DPYSL2: variants seen among roughly 807,000 people sequenced by gnomAD.
The protein encoded by DPYSL2 is dihydropyrimidinase-related protein 2.
DPYSL2 carries 13 observed loss-of-function variants against 69.9 expected under a neutral mutation model. That is an observed-to-expected ratio of 0.19 (90% CI 0.12 to 0.30). DPYSL2 has a LOEUF of 0.30. DPYSL2 is among the 10% of genes least tolerant of loss of function. The pLI, the probability that DPYSL2 is intolerant of heterozygous loss-of-function variation, is 1.00. For missense variants in DPYSL2, 587 were observed against 918.9 expected (o/e 0.64, Z 4.67); for synonymous variants, 326 against 359.1 (o/e 0.91, Z 1.04).
At chr8:26,529,280 T>TATC (rs1188557993) in intron 1 of DPYSL2, among the ~76,000 whole-genome samples, 665 of 66,560 alleles carry the variant, frequency 1.0e-2, no homozygotes, top group Middle Eastern at 0.026. Context: ...ATCTATCATC[T>TATC]ATCTATCTAT....
intron 3 of DPYSL2, among the ~76,000 whole-genome samples, chr8:26,603,199 G>A (rs1404709539): frequency 1.3e-5 from 2 of 151,878 alleles, no homozygotes; most frequent in African/African-American, 4.8e-5. Flanking sequence ...TTGAGACAGG[G>A]TCTCGCTCTA....
At chr8:26,578,553 C>T in intron 1 of DPYSL2, 1 of 1,385,024 alleles carries the variant, frequency 7.2e-7, no homozygotes, top group Non-Finnish European at 9.3e-7. Flanking sequence ...CAGACCCGGT[C>T]TATCTTTTAT....
intron 3 of DPYSL2, among the ~76,000 whole-genome samples, chr8:26,589,953 G>C (rs1239829148): frequency 2.0e-5 from 3 of 152,338 alleles, no homozygotes; most frequent in African/African-American, 7.2e-5. Flanking sequence ...CTGGGAGGAA[G>C]GTGAGGTGGC....
intron 8 of DPYSL2, 77 bp downstream of exon 8, chr8:26,634,977 T>C: frequency 6.3e-7 from 1 of 1,580,856 alleles, no homozygotes; most frequent in South Asian, 1.1e-5. Context: ...TAGGGAGGGC[T>C]CCTTTTCCAG....
At chr8:26,558,490 T>C (rs1392193002) in intron 1 of DPYSL2, among the ~76,000 whole-genome samples, 1 of 152,188 alleles carries the variant, frequency 6.6e-6, no homozygotes, top group East Asian at 1.9e-4. Context: ...AGTGAAACTC[T>C]TCTACAAGAT....
chr8:26,552,814 C>T (rs1800891493), intron 1 of DPYSL2, among the ~76,000 whole-genome samples: 1 of 152,168 alleles, frequency 6.6e-6, no homozygotes, highest in African/African-American at 2.4e-5. Context: ...ACCCAGTCAC[C>T]TTCCAAAGAT....
At chr8:26,574,199 G>C (rs1363993311) in intron 1 of DPYSL2, among the ~76,000 whole-genome samples, 2 of 152,192 alleles carry the variant, frequency 1.3e-5, no homozygotes, top group Non-Finnish European at 2.9e-5. Flanking sequence ...AGTTGTTTCA[G>C]AGGGAAGGAG....
At position 26,626,617 on chromosome 8, in the gene DPYSL2, G is replaced by A. The variant is rs1802620001; in HGVS notation, c.794G>A (p.Gly265Glu). ...CACTTCTCTATTTTGTCCGCACTAG[G>A]GGTAAATTCCTTCCTCGTGTACATG... The part of the protein sequence containing the change: ...EEMEALVKDH[G>E]VNSFLVYMAF... Residue 265 changes from glycine to glutamate, a missense_variant and splice_region_variant, in exon 5 of 14, where the codon GGG (glycine) becomes GAG (glutamate). Around this residue, in one of 3 missense-constraint regions of DPYSL2, gnomAD observed 452 missense variants for 754.3 expected, o/e 0.60. Coordinates refer to ENST00000521913, the MANE Select transcript of DPYSL2 (RefSeq NM_001197293.3). This position sits in a 1 kb window ranked among gnomAD's most constrained non-coding sequence, Gnocchi z 4.3. 1 of 1,613,900 alleles carries A rather than the reference G, an allele frequency of 6.2e-7. No individual in the cohort carries two copies. Among genetic ancestry groups the A allele is most frequent in the African/African-American group, 1.3e-5 (1 of 74,878 alleles).
At chr8:26,524,114 A>G (rs1034734835) in intron 1 of DPYSL2, among the ~76,000 whole-genome samples, 1 of 152,260 alleles carries the variant, frequency 6.6e-6, no homozygotes, top group Non-Finnish European at 1.5e-5. Flanking sequence ...CACAGTGGTT[A>G]TACCATTTGA....
At chr8:26,515,036 C>T (rs1808254477) in intron 1 of DPYSL2, among the ~76,000 whole-genome samples, 1 of 152,240 alleles carries the variant, frequency 6.6e-6, no homozygotes, top group Admixed American at 6.5e-5. Context: ...ATTGCAGCTG[C>T]GGCTGGGTGC....
Position 26,601,298 on chromosome 8 carries a change from G to C in DPYSL2, c.628+17315G>C, listed in dbSNP as rs928583102. Among the ~76,000 whole-genome samples the C allele has an allele frequency of 2.0e-5, 3 of 152,150 alleles. No individual in the cohort carries two copies. The East Asian group carries it at 5.8e-4, about 29-fold the overall frequency. On this transcript the variant is annotated intron_variant, in intron 3 of 13. Transcript: ENST00000521913. Reference sequence around the variant, plus strand: ...TAGTATGAGGCTGAATGAGGACTCAGATGATGGTCATCTGGCTCCGGGGCC... The same window carrying C: ...TAGTATGAGGCTGAATGAGGACTCACATGATGGTCATCTGGCTCCGGGGCC...
At chr8:26,515,999 G>A (rs1297665545) in intron 1 of DPYSL2, among the ~76,000 whole-genome samples, 4 of 152,200 alleles carry the variant, frequency 2.6e-5, no homozygotes, top group African/African-American at 9.6e-5. Context: ...GGTGATGATG[G>A]TTGGGGCATG....
At chr8:26,618,203 C>T (rs945678887) in intron 3 of DPYSL2, among the ~76,000 whole-genome samples, 3 of 152,142 alleles carry the variant, frequency 2.0e-5, no homozygotes, top group Non-Finnish European at 2.9e-5. Context: ...TTTCCAGTCA[C>T]TCATCTTGAG....
intron 1 of DPYSL2, among the ~76,000 whole-genome samples, chr8:26,527,825 TG>T (rs1808506562): frequency 1.5e-5 from 2 of 129,268 alleles, no homozygotes. Context: ...TTTTTTTAGA[TG>T]GAGTCTTGCT....
At position 26,640,371 on chromosome 8, in the gene DPYSL2, G is replaced by A. The variant is rs1422686099; in HGVS notation, c.1127-3068G>A. On this transcript the variant is annotated intron_variant, in intron 8 of 13. Transcript: ENST00000521913. This position sits in a 1 kb window ranked among gnomAD's most constrained non-coding sequence, Gnocchi z 4.2. The stretch of plus-strand genomic sequence containing the variant: ...GAGAAGAAAATCACAAAGGTCTAAC[G>A]GGCACCCAGATAGCATCAGCAGTGT... Among the ~76,000 whole-genome samples the A allele has an allele frequency of 2.6e-5, 4 of 152,164 alleles. No individual in the cohort carries two copies. The highest frequency in any genetic ancestry group is 4.1e-4 in the South Asian group (2 of 4,830).
rs938329334 is a variant in DPYSL2, at chr8:26,624,448, G to A, written c.793+141G>A. 6 of 1,059,338 alleles carry A rather than the reference G, an allele frequency of 5.7e-6. No homozygotes were observed. The African/African-American group carries it at 6.3e-5, about 11-fold the overall frequency. 65.6% of individuals were successfully genotyped at this position (1,059,338 alleles called of 1,614,324 possible). ...TGCCTGCCCCTGGGAAGGAGAGAGGGCTTTGGGCCGCAGCTTATGCTGTTT... is the reference window on the plus strand; with the variant it reads ...TGCCTGCCCCTGGGAAGGAGAGAGGACTTTGGGCCGCAGCTTATGCTGTTT... On this transcript the variant is annotated intron_variant, in intron 4 of 13. Transcript: ENST00000521913. The surrounding 1 kb of genome is among the most constrained non-coding windows in gnomAD (Gnocchi z 4.7).
rs1439681929 is a variant in DPYSL2 at position 26,516,270 on chromosome 8, T to C, written c.354+1591T>C. On this transcript the variant is annotated intron_variant, in intron 1 of 13. Transcript: ENST00000521913. The surrounding 1 kb of genome is among the most constrained non-coding windows in gnomAD (Gnocchi z 4.8). The stretch of plus-strand genomic sequence containing the variant: ...ATCAGACAATTGAAGTAAAAGTTTC[T>C]AATAATGTAACTTATACTGAAAGCT... 2.6e-5 allele frequency among the ~76,000 whole-genome samples: 4 copies of C among 152,214 alleles called. No homozygotes were observed. The highest frequency in any genetic ancestry group is 4.8e-5 in the African/African-American group (2 of 41,448).
At chr8:26,553,602 C>A (rs1800901584) in intron 1 of DPYSL2, among the ~76,000 whole-genome samples, 1 of 152,126 alleles carries the variant, frequency 6.6e-6, no homozygotes, top group Non-Finnish European at 1.5e-5. Flanking sequence ...TATATATACA[C>A]CACATTGTCT....
At chr8:26,628,485 G>C (rs936083938) in intron 7 of DPYSL2, among the ~76,000 whole-genome samples, 1 of 152,224 alleles carries the variant, frequency 6.6e-6, no homozygotes, top group Non-Finnish European at 1.5e-5. Context: ...TCACCGTCTT[G>C]GTGAGGTGTG....
Sources: allele counts gnomAD v4.1 joint callset (sites outside exome capture counted in the v4.1 genomes callset), GRCh38; gene constraint gnomAD v4.1.1; regional missense constraint gnomAD v4.1.1; non-coding constraint Gnocchi (gnomAD v3.1); transcripts MANE v1.5; gene names NCBI Gene and HGNC (gene_info 2026-07-23, HGNC 2026-07-21).